SULT1C3: variants seen among roughly 807,000 people sequenced by gnomAD.
SULT1C3 encodes sulfotransferase family 1C member 3, also known as sulfotransferase 1C3.
SULT1C3 carries 31 observed loss-of-function variants against 28.4 expected under a neutral mutation model. The ratio of observed to expected loss-of-function variants is 1.09; its 90% CI spans 0.82 to 1.47. The LOEUF is 1.47. SULT1C3 is among the 40% of genes most tolerant of loss of function. The pLI, the probability that SULT1C3 is intolerant of heterozygous loss-of-function variation, is 0.00. For synonymous variants in SULT1C3, 106 were observed against 92.2 expected (o/e 1.15, Z -0.86); for missense variants, 307 against 272.5 (o/e 1.13, Z -0.89).
chr2:108,261,062 A>C (rs1676014017), downstream of SULT1C3, among the ~76,000 whole-genome samples: 1 of 152,152 alleles, frequency 6.6e-6, no homozygotes, highest in African/African-American at 2.4e-5. Context: ...GTTAAGAGAG[A>C]ATGTAACAGC....
chr2:108,242,536 A>G (rs1426649168), intron 1 of SULT1C3, among the ~76,000 whole-genome samples: 1 of 152,144 alleles, frequency 6.6e-6, no homozygotes, highest in African/African-American at 2.4e-5. Flanking sequence ...GGTGGCCAAG[A>G]GCATGCTTCT....
rs753005829 is a variant in SULT1C3 at position 108,258,832 on chromosome 2, A to G, written c.621+4A>G. On this transcript the variant is annotated splice_donor_region_variant and intron_variant, in intron 6 of 7. Coordinates refer to ENST00000681802, the MANE Select transcript of SULT1C3 (RefSeq NM_001320878.2). ...CTTCTACGAGGATATTAAAAAAGTA[A>G]GTGGCACTGAGACTTATAGGTCAGA... 17 of 1,607,124 alleles carry G rather than the reference A, an allele frequency of 1.1e-5. No individual in the cohort carries two copies. In the Admixed American group the frequency reaches 1.2e-4, roughly 11 times the overall value.
intron 2 of SULT1C3, among the ~76,000 whole-genome samples, chr2:108,251,590 A>T (rs570874850): frequency 6.6e-6 from 1 of 152,186 alleles, no homozygotes; most frequent in South Asian, 2.1e-4. Flanking sequence ...CCTGGATTCC[A>T]GTTTATGGGA....
At chr2:108,254,194 G>A (rs1675804020) in intron 4 of SULT1C3, among the ~76,000 whole-genome samples, 1 of 151,902 alleles carries the variant, frequency 6.6e-6, no homozygotes, top group Non-Finnish European at 1.5e-5. Context: ...TTGACAGTCT[G>A]CACCCTGCTC....
Position 108,258,780 on chromosome 2 carries a change from A to C in SULT1C3, c.573A>C (p.Ala191=), listed in dbSNP as rs577034861. Reference sequence around the variant, plus strand: ...ACCATGTGAAAGGATGGTGGGCTGCAAAAGACATGCACCGGATCCTCTACC... The same window carrying C: ...ACCATGTGAAAGGATGGTGGGCTGCCAAAGACATGCACCGGATCCTCTACC... The part of the protein sequence containing the change: ...WFDHVKGWWA[A]KDMHRILYLF... Residue 191 remains alanine, a synonymous_variant, in exon 6 of 8, where the codon GCA becomes GCC. Transcript: ENST00000681802. 1 of 1,613,044 alleles carries C rather than the reference A, an allele frequency of 6.2e-7. No individual in the cohort carries two copies. The highest frequency in any genetic ancestry group is 1.1e-5 in the South Asian group (1 of 90,964).
At chr2:108,245,027 A>C (rs1426713816) in intron 1 of SULT1C3, among the ~76,000 whole-genome samples, 3 of 152,206 alleles carry the variant, frequency 2.0e-5, no homozygotes, top group African/African-American at 7.2e-5. Flanking sequence ...TAAAAACAGA[A>C]GTGAGAATAA....
intron 1 of SULT1C3, among the ~76,000 whole-genome samples, chr2:108,246,622 A>G (rs1489437452): frequency 6.6e-6 from 1 of 152,132 alleles, no homozygotes; most frequent in Non-Finnish European, 1.5e-5. Context: ...CCCATGACTG[A>G]TATTTCAAAA....
At chr2:108,247,483 A>C (rs1308108218) in intron 2 of SULT1C3, 117 bp downstream of exon 2, 1 of 1,030,774 alleles carries the variant, frequency 9.7e-7, no homozygotes, top group African/African-American at 1.7e-5. Flanking sequence ...CATTATGGAG[A>C]TCTGTTCTTT....
chr2:108,258,858 C>G, intron 6 of SULT1C3, 30 bp downstream of exon 6: 1 of 1,524,898 alleles, frequency 6.6e-7, no homozygotes, highest in Non-Finnish European at 9.1e-7. Flanking sequence ...ATAGGTCAGA[C>G]CCAGAAACCC....
At chr2:108,252,147 TTAGATAGATAGATAGA>T (rs57768246) in intron 2 of SULT1C3, among the ~76,000 whole-genome samples, 132 of 149,078 alleles carry the variant, frequency 8.9e-4, no homozygotes, top group Non-Finnish European at 1.4e-3. Flanking sequence ...AGATGATAGA[TTAGATAGATAGATAGA>T]TAGATAGATA....
intron 4 of SULT1C3, among the ~76,000 whole-genome samples, chr2:108,253,666 C>A (rs951065394): frequency 2.0e-5 from 3 of 151,972 alleles, no homozygotes; most frequent in African/African-American, 7.2e-5. Context: ...ATGAAAAATT[C>A]TTGGTAAGAT....
chr2:108,251,612 T>C (rs775821247), intron 2 of SULT1C3, among the ~76,000 whole-genome samples: 1 of 151,818 alleles, frequency 6.6e-6, no homozygotes, highest in Non-Finnish European at 1.5e-5. Flanking sequence ...ATAGAGGAAA[T>C]AGAGGAACAA....
intron 2 of SULT1C3, among the ~76,000 whole-genome samples, chr2:108,247,692 C>T (rs1273695298): frequency 1.3e-5 from 2 of 152,168 alleles, no homozygotes; most frequent in Admixed American, 6.5e-5. Context: ...ACCCTCAAGA[C>T]AGCCTTCTAA....
intron 5 of SULT1C3, among the ~76,000 whole-genome samples, chr2:108,256,213 C>A (rs1350522466): frequency 3.3e-5 from 5 of 152,020 alleles, no homozygotes; most frequent in South Asian, 2.1e-4. Flanking sequence ...TAAGATCACA[C>A]CTTCCAGAGA....
intron 2 of SULT1C3, among the ~76,000 whole-genome samples, chr2:108,250,508 C>T (rs1342895233): frequency 6.6e-6 from 1 of 151,866 alleles, no homozygotes; most frequent in Non-Finnish European, 1.5e-5. Context: ...TAAAACTAAA[C>T]ATGCACCTAC....
intron 2 of SULT1C3, 75 bp from the exon 3 acceptor site, chr2:108,252,290 T>C (rs763250986): frequency 2.8e-6 from 4 of 1,437,390 alleles, no homozygotes; most frequent in Non-Finnish European, 3.8e-6. Flanking sequence ...GTTGCTGTCT[T>C]TCTTCAAAAT....
downstream of SULT1C3, chr2:108,265,337 C>G: frequency 2.5e-6 from 4 of 1,613,390 alleles, no homozygotes; most frequent in Non-Finnish European, 3.4e-6. Context: ...CCTAACCTTC[C>G]GCACAGAGAT....
chr2:108,240,150 C>T (rs1223850015), intron 1 of SULT1C3, among the ~76,000 whole-genome samples, 67 bp downstream of exon 1: 1 of 152,158 alleles, frequency 6.6e-6, no homozygotes, highest in African/African-American at 2.4e-5. Flanking sequence ...GGAAAAGGGT[C>T]GGGATATTCA....
intron 5 of SULT1C3, among the ~76,000 whole-genome samples, chr2:108,257,576 G>A (rs1375788412): frequency 2.6e-5 from 4 of 152,012 alleles, no homozygotes; most frequent in East Asian, 1.9e-4. Context: ...AAATATTACA[G>A]TATTTCAAGA....
Sources: allele counts gnomAD v4.1 joint callset (sites outside exome capture counted in the v4.1 genomes callset), GRCh38; gene constraint gnomAD v4.1.1; transcripts MANE v1.5; gene names NCBI Gene and HGNC (gene_info 2026-07-23, HGNC 2026-07-21).